The following PCDHGB3 variants were observed in gnomAD, a reference collection of about 807,000 sequenced individuals.
The protein encoded by PCDHGB3 is protocadherin gamma subfamily B, 3.
A neutral mutation model predicts 59.2 loss-of-function variants in PCDHGB3; 40 were observed. The ratio of observed to expected loss-of-function variants is 0.68; its 90% CI spans 0.52 to 0.88. The LOEUF is 0.88. Ranked by LOEUF, PCDHGB3 falls within the 40% of genes least tolerant of loss-of-function variation. The pLI is 0.00. For synonymous variants in PCDHGB3, 581 were observed against 503.6 expected, an observed-to-expected ratio of 1.15 and a Z score of -2.06; for missense variants, 1,309 against 1,187.9, an observed-to-expected ratio of 1.10 and a Z score of -1.50.
At chr5:141,419,686 G>T (rs551990092) in intron 1 of PCDHGB3, 2 of 1,612,878 alleles carry the variant, frequency 1.2e-6, no homozygotes, top group South Asian at 1.1e-5. Flanking sequence ...ACCACGTGGT[G>T]CAGGCCAGTG....
At chr5:141,402,682 T>A (rs1012328239) in intron 1 of PCDHGB3, among the ~76,000 whole-genome samples, 1 of 152,138 alleles carries the variant, frequency 6.6e-6, no homozygotes, top group East Asian at 1.9e-4. Context: ...CCATCTGATA[T>A]AATGTTACAC....
At position 141,438,611 on chromosome 5, in the gene PCDHGB3, TATATATATATATATATATATATATACAC is replaced by T. The variant is rs1434670383; in HGVS notation, c.2416-56194_2416-56167del. On this transcript the variant is annotated intron_variant, in intron 1 of 3. Transcript: ENST00000576222. ...ACATACATATATATATATATATATA[TATATATATATATATATATATATATACAC>T]ACACACACACACATATATGTATATA... Among the ~76,000 whole-genome samples the T allele has an allele frequency of 2.7e-3, 107 of 39,370 alleles. 2 individuals are homozygous for T. Among genetic ancestry groups the T allele is most frequent in the Admixed American group, 0.019 (57 of 3,044 alleles). The allele number at this position is 39,370 out of a possible 152,430, so 25.8% of individuals were successfully genotyped here.
intron 1 of PCDHGB3, chr5:141,393,027 A>C (rs868285753): frequency 1.2e-6 from 2 of 1,613,818 alleles, no homozygotes; most frequent in Non-Finnish European, 1.7e-6. Flanking sequence ...CAGAGGTAGG[A>C]CGCAGCTCTT....
intron 1 of PCDHGB3, chr5:141,419,981 AT>A (rs1205154474): frequency 1.2e-6 from 2 of 1,614,052 alleles, no homozygotes; most frequent in Admixed American, 3.3e-5. Flanking sequence ...CCTCGCGGTG[AT>A]TCTAGCTATT....
intron 1 of PCDHGB3, among the ~76,000 whole-genome samples, chr5:141,483,658 G>C (rs906346163): frequency 1.4e-4 from 22 of 152,028 alleles, no homozygotes; most frequent in Non-Finnish European, 2.4e-4. Context: ...TTGTGTGTGT[G>C]TGTGTGTGTG....
rs756144117 is a variant in PCDHGB3, at chr5:141,485,181, G to A, written c.2416-9626G>A. On this transcript the variant is annotated intron_variant, in intron 1 of 3. Transcript: ENST00000576222. This position sits in a 1 kb window ranked among gnomAD's most constrained non-coding sequence, Gnocchi z 5.7. ...AATTAGCGGGCGGCAGCAATGCTCC[G>A]CAAGGTGAGAAGCTGGACAGAAATC... 3.1e-6 allele frequency: 5 copies of A among 1,612,942 alleles called. No individual in the cohort carries two copies. The South Asian group carries it at 4.4e-5, about 14-fold the overall frequency.
At chr5:141,385,000 T>C (rs1271412814) in intron 1 of PCDHGB3, 1 of 1,614,138 alleles carries the variant, frequency 6.2e-7, no homozygotes, top group South Asian at 1.1e-5. Flanking sequence ...GGCCACAGTC[T>C]CCTGCGTCTT....
At chr5:141,375,640 C>G (rs1375647493) in intron 1 of PCDHGB3, 1 of 1,614,226 alleles carries the variant, frequency 6.2e-7, no homozygotes, top group Non-Finnish European at 8.5e-7. Context: ...CCCTGCGCTC[C>G]TTCGACTATG....
chr5:141,499,191 C>A (rs920773306), intron 2 of PCDHGB3, among the ~76,000 whole-genome samples: 1 of 152,116 alleles, frequency 6.6e-6, no homozygotes, highest in Non-Finnish European at 1.5e-5. Context: ...ACCATTTCCC[C>A]CTTCTTAGGC....
rs372656276 is a variant in PCDHGB3, at chr5:141,415,107, A to G, written c.2415+42298A>G. ...TGCTGGACAGAGACGCGCTCAAGCA[A>G]AGCCTCGTAGTGGCCGTCCAGGACC... is the stretch of plus-strand genomic sequence containing the variant. On this transcript the variant is annotated intron_variant, in intron 1 of 3. Transcript: ENST00000576222. 1,052 of 1,613,570 alleles carry G rather than the reference A, an allele frequency of 6.5e-4. 7 individuals carry two copies. The African/African-American group carries it at 8.4e-3, about 13-fold the overall frequency.
In PCDHGB3 at chr5:141,413,998, G is replaced by A; in HGVS notation, c.2415+41189G>A. On this transcript the variant is annotated intron_variant, in intron 1 of 3. Transcript: ENST00000576222. The stretch of plus-strand genomic sequence containing the variant: ...GACAGTCACAGCCACCGACAGGGAC[G>A]AAGGTGCCAATGGAGAAGTGACATA... 1 of 1,613,320 alleles carries A rather than the reference G, an allele frequency of 6.2e-7. No individual in the cohort carries two copies. The highest frequency in any genetic ancestry group is 1.6e-4 in the Middle Eastern group (1 of 6,062).
At chr5:141,405,044 G>T (rs769617162) in intron 1 of PCDHGB3, 160 of 1,613,938 alleles carry the variant, frequency 9.9e-5, no homozygotes, top group Middle Eastern at 1.6e-4. Flanking sequence ...TGTGGCTGTG[G>T]CAGTCGTCTC....
At chr5:141,452,527 G>A (rs1164238830) in intron 1 of PCDHGB3, among the ~76,000 whole-genome samples, 1 of 152,156 alleles carries the variant, frequency 6.6e-6, no homozygotes, top group Non-Finnish European at 1.5e-5. Flanking sequence ...TCAAAATCGT[G>A]AGTTCATATT....
intron 1 of PCDHGB3, chr5:141,388,516 C>T (rs755004350): frequency 4.3e-6 from 7 of 1,613,864 alleles, no homozygotes; most frequent in South Asian, 3.3e-5. Context: ...TACCACTTGA[C>T]TTTGACTGCC....
At chr5:141,410,699 A>T (rs760193148) in intron 1 of PCDHGB3, 1 of 1,478,344 alleles carries the variant, frequency 6.8e-7, no homozygotes, top group East Asian at 2.3e-5. Flanking sequence ...CTTTATTTTC[A>T]TATCTAGAAT....
Position 141,491,466 on chromosome 5 carries a change from T to G in PCDHGB3, c.2416-3341T>G. The G allele has an allele frequency of 6.2e-7, 1 of 1,614,068 alleles. No individual in the cohort carries two copies. Among genetic ancestry groups the G allele is most frequent in the Non-Finnish European group, 8.5e-7 (1 of 1,179,986 alleles). ...AGGACTCACCCTCCCCGGACTTCTA[T>G]AAGCAGTCCAGCCCCAACCTGCAGG... On this transcript the variant is annotated intron_variant, in intron 1 of 3. Coordinates refer to ENST00000576222, the MANE Select transcript of PCDHGB3 (RefSeq NM_018924.5). This position sits in a 1 kb window ranked among gnomAD's most constrained non-coding sequence, Gnocchi z 6.9.
intron 1 of PCDHGB3, among the ~76,000 whole-genome samples, chr5:141,438,705 G>A (rs555160868): frequency 2.0e-4 from 29 of 145,842 alleles, no homozygotes; most frequent in African/African-American, 7.1e-4. Flanking sequence ...CTGTCACCCA[G>A]GCTGGAGTGC....
chr5:141,376,360 C>A lies in PCDHGB3; in HGVS notation c.2415+3551C>A, dbSNP rs1772602166. The stretch of plus-strand genomic sequence containing the variant: ...AGACCTATTCCCACGAGGTCTCACT[C>A]ACTGCAGACTCGCGTAAGAGTCATC... On this transcript the variant is annotated intron_variant, in intron 1 of 3. Transcript: ENST00000576222. 5 of 1,614,236 alleles carry A rather than the reference C, an allele frequency of 3.1e-6. No homozygotes were observed. In the African/African-American group the frequency reaches 6.7e-5, roughly 22 times the overall value.
In PCDHGB3 at chr5:141,374,803, A is replaced by G. The variant is rs371815306; in HGVS notation, c.2415+1994A>G. The G allele has an allele frequency of 9.7e-5, 157 of 1,613,866 alleles. 1 individual carries two copies. Among genetic ancestry groups the G allele is most frequent in the Middle Eastern group, 1.6e-4 (1 of 6,084 alleles). On this transcript the variant is annotated intron_variant, in intron 1 of 3. Coordinates refer to ENST00000576222, the MANE Select transcript of PCDHGB3 (RefSeq NM_018924.5). ...TTCTAGATGTGAATGACAACACTCC[A>G]ATGTTTACTCAGCCTGTCTACCGTG...
Sources: gnomAD v4.1 joint callset for allele counts (sites outside exome capture counted in the v4.1 genomes callset) on GRCh38, gnomAD v4.1.1 for gene constraint, Gnocchi (gnomAD v3.1) non-coding constraint, MANE v1.5 for transcripts, NCBI Gene and HGNC (gene_info 2026-07-23, HGNC 2026-07-21) for gene names.